Variants in TCIRG1 observed in about 807,000 individuals in gnomAD.
The protein encoded by TCIRG1 is V-type proton ATPase 116 kDa subunit a 3.
A neutral mutation model predicts 95.5 loss-of-function variants in TCIRG1; 86 were observed. That is an observed-to-expected ratio of 0.90 (90% CI 0.76 to 1.08). The LOEUF (loss-of-function observed/expected upper bound fraction) is 1.08, where lower values mean the gene tolerates loss of function less well. Among genes scored for constraint, TCIRG1 ranks in the 50% least tolerant of loss-of-function variants. The pLI is 0.00. For synonymous variants in TCIRG1, 499 were observed against 501.3 expected (o/e 1.00, Z 0.06); for missense variants, 1,069 against 1,140.2 (o/e 0.94, Z 0.90).
chr11:68,044,005 A>T (rs906798026), intron 8 of TCIRG1, 98 bp downstream of exon 8: 1 of 1,301,470 alleles, frequency 7.7e-7, no homozygotes, highest in Non-Finnish European at 1.1e-6. Context: ...CCTGGCCTCC[A>T]GGAGGTGGGT....
intron 11 of TCIRG1, 30 bp downstream of exon 11, chr11:68,047,602 G>A: frequency 1.2e-6 from 2 of 1,613,038 alleles, no homozygotes; most frequent in South Asian, 1.1e-5. Context: ...TCCTGATGAG[G>A]GTAGCAGGGC....
chr11:68,044,773 C>A, intron 9 of TCIRG1, 185 bp from the exon 10 acceptor site: 1 of 726,878 alleles, frequency 1.4e-6, no homozygotes, highest in Admixed American at 2.5e-5. Flanking sequence ...ATTGCCAATC[C>A]ATGTGGTGTC....
At chr11:68,044,683 A>AC (rs1449831907) in intron 9 of TCIRG1, 1 of 583,306 alleles carries the variant, frequency 1.7e-6, no homozygotes, top group Non-Finnish European at 3.1e-6. Flanking sequence ...CCCGCCGCGC[A>AC]CAGCAGGTGC....
chr11:68,049,657 T>C lies in TCIRG1; in HGVS notation c.1888-6T>C. On this transcript the variant is annotated splice_polypyrimidine_tract_variant and splice_region_variant and intron_variant, in intron 15 of 19. Transcript: ENST00000265686. ...GACGCCCTGACTCTCGCCCTCTCCC[T>C]GGCAGGAGGTGGTCCAGGCCACGCT... 6.3e-7 allele frequency: 1 copy of C among 1,599,956 alleles called. No individual in the cohort carries two copies.
chr11:68,051,678 A>C (rs889874799), downstream of TCIRG1, among the ~76,000 whole-genome samples: 1 of 152,190 alleles, frequency 6.6e-6, no homozygotes, highest in African/African-American at 2.4e-5. Flanking sequence ...CAGGGGCTCT[A>C]AGGTAATTCC....
chr11:68,052,798 C>T (rs1284459615), downstream of TCIRG1: 2 of 152,152 alleles, frequency 1.3e-5, no homozygotes, highest in African/African-American at 4.8e-5. Context: ...TCCGTGGGCT[C>T]CTTCAGGTAC....
rs758562805 is a variant in TCIRG1, at chr11:68,047,711, C to T, written c.1370C>T (p.Thr457Ile). The change falls in exon 12 of 20, where the codon ACC becomes ATC. Residue 457 changes from threonine to isoleucine, a missense_variant. Thr to Ile is a moderately conservative substitution (Grantham distance 89, BLOSUM62 -1). Coordinates refer to ENST00000265686, the MANE Select transcript of TCIRG1 (RefSeq NM_006019.4). ...LLLMGLFSIY[T>I]GFIYNECFSR... ...CTTATGGGCCTGTTCTCCATCTACA[C>T]CGGCTTCATCTACAACGAGTGCTTC... is the stretch of plus-strand genomic sequence containing the variant. 6.2e-7 allele frequency: 1 copy of T among 1,613,558 alleles called. No individual in the cohort carries two copies. Among genetic ancestry groups the T allele is most frequent in the Admixed American group, 1.7e-5 (1 of 60,030 alleles).
intron 1 of TCIRG1, 130 bp downstream of exon 1, chr11:68,039,249 A>C (rs1255318860): frequency 6.6e-6 from 1 of 152,138 alleles, no homozygotes; most frequent in Non-Finnish European, 1.5e-5. Context: ...GCCACCCCGC[A>C]GGGTGTCAGG....
chr11:68,043,362 G>A lies in TCIRG1; in HGVS notation c.504-9G>A, dbSNP rs1000538925. On this transcript the variant is annotated splice_polypyrimidine_tract_variant and intron_variant, in intron 5 of 19. Transcript: ENST00000265686. ...TTGGAGCAGCCCTGCCCAGCCCCGT[G>A]GCCGCCAGCTTTGTGGCAGGTGCCG... is the stretch of plus-strand genomic sequence containing the variant. The A allele has an allele frequency of 1.3e-6, 2 of 1,539,644 alleles. No individual in the cohort carries two copies. The highest frequency in any genetic ancestry group is 1.4e-5 in the African/African-American group (1 of 73,084).
chr11:68,049,783 C>T lies in TCIRG1; in HGVS notation c.2008C>T (p.Arg670Ter), dbSNP rs371263807. 7.5e-5 allele frequency: 118 copies of T among 1,570,360 alleles called. No homozygotes were observed. Among genetic ancestry groups the T allele is most frequent in the Middle Eastern group, 2.2e-4 (1 of 4,486 alleles). ...RRRLRRRPAD[R>*]QEENKAGLLD... ...CCGCCTGCGGAGGAGGCCCGCTGAC[C>T]GACAGGTGGGACCGGGGCCTAAGGT... Residue 670 changes from arginine to a stop codon, truncating the protein, a stop_gained, in exon 16 of 20, where the codon CGA becomes TGA. Coordinates refer to ENST00000265686, the MANE Select transcript of TCIRG1 (RefSeq NM_006019.4). LOFTEE classifies it high-confidence loss of function.
chr11:68,047,133 C>T, intron 10 of TCIRG1: 1 of 416,516 alleles, frequency 2.4e-6, no homozygotes, highest in Non-Finnish European at 4.5e-6. Context: ...GCCTCAGCCT[C>T]CTGAGTAGCT....
rs200524399 is a variant in TCIRG1 at position 68,041,407 on chromosome 11, C to A, written c.117+19C>A. 7 of 1,556,726 alleles carry A rather than the reference C, an allele frequency of 4.5e-6. No individual in the cohort carries two copies. In the South Asian group the frequency reaches 6.7e-5, roughly 15 times the overall value. ...CAGAGACGTGAGTTGGGTGGGCAGG[C>A]GTGGGAAGGGGGCTACTGCCAAGGT... On this transcript the variant is annotated intron_variant, in intron 2 of 19. Coordinates refer to ENST00000265686, the MANE Select transcript of TCIRG1 (RefSeq NM_006019.4).
At position 68,044,126 on chromosome 11, in the gene TCIRG1, G is replaced by T. The variant is rs1029973150; in HGVS notation, c.808-6G>T. 1.9e-6 allele frequency: 3 copies of T among 1,547,070 alleles called. No homozygotes were observed. On this transcript the variant is annotated splice_polypyrimidine_tract_variant and splice_region_variant and intron_variant, in intron 8 of 19. Transcript: ENST00000265686. ...CAGCCCCCGCTGACTGCCCACTCTGGCGCAGGTCCTCGGGGAGACAGAGCG... is the reference window on the plus strand; with the variant it reads ...CAGCCCCCGCTGACTGCCCACTCTGTCGCAGGTCCTCGGGGAGACAGAGCG...
intron 10 of TCIRG1, 86 bp downstream of exon 10, chr11:68,045,188 A>C: frequency 3.2e-6 from 5 of 1,543,762 alleles, no homozygotes; most frequent in Non-Finnish European, 4.4e-6. Flanking sequence ...AGGTATCTCC[A>C]TCCTGGGCCT....
rs115241183 is a variant in TCIRG1, at chr11:68,046,883, C to T, written c.1166-550C>T. On this transcript the variant is annotated intron_variant, in intron 10 of 19. Coordinates refer to ENST00000265686, the MANE Select transcript of TCIRG1 (RefSeq NM_006019.4). Reference sequence around the variant, plus strand: ...CTTCCTGTGGCTCCAGCAGCTGGCCCGTGCTGCCCGTGGAGAACTTATGAA... The same window carrying T: ...CTTCCTGTGGCTCCAGCAGCTGGCCTGTGCTGCCCGTGGAGAACTTATGAA... The T allele has an allele frequency of 1.2e-3, 542 of 456,262 alleles. 3 individuals carry two copies. The highest frequency in any genetic ancestry group is 9.5e-3 in the African/African-American group (475 of 50,176). 28.3% of individuals were successfully genotyped at this position (456,262 alleles called of 1,614,324 possible).
chr11:68,050,988 C>G (rs904729744), downstream of TCIRG1: 20 of 753,268 alleles, frequency 2.7e-5, no homozygotes, highest in Admixed American at 3.7e-4. Context: ...AAGTCAAGGC[C>G]TGGACCTGAG....
intron 10 of TCIRG1, 88 bp downstream of exon 10, chr11:68,045,190 C>T (rs1012765532): frequency 2.6e-6 from 4 of 1,535,698 alleles, no homozygotes; most frequent in African/African-American, 2.7e-5. Context: ...GTATCTCCAT[C>T]CTGGGCCTGG....
At chr11:68,047,057 CTGGAG>C in intron 10 of TCIRG1, 1 of 370,614 alleles carries the variant, frequency 2.7e-6, no homozygotes, top group South Asian at 1.8e-5. Flanking sequence ...GTCGCGCAGG[CTGGAG>C]TGCAGTGGCG....
chr11:68,053,708 T>G (rs1290550740), downstream of TCIRG1: 1 of 342,616 alleles, frequency 2.9e-6, no homozygotes, highest in Non-Finnish European at 5.3e-6. Context: ...CCCCCAAATA[T>G]GAAATGCCTT....
Sources: allele counts gnomAD v4.1 joint callset (sites outside exome capture counted in the v4.1 genomes callset), GRCh38; gene constraint gnomAD v4.1.1; transcripts MANE v1.5; gene names NCBI Gene and HGNC (gene_info 2026-07-23, HGNC 2026-07-21).